SLC2A9: variants seen among roughly 807,000 people sequenced by gnomAD.
The protein encoded by SLC2A9 is solute carrier family 2, facilitated glucose transporter member 9.
In SLC2A9, 39 loss-of-function variants were observed where a neutral mutation model predicts 50.6. The observed-to-expected ratio is 0.77, with a 90% CI of 0.60 to 1.01. The LOEUF (loss-of-function observed/expected upper bound fraction) is 1.01. Among genes scored for constraint, SLC2A9 ranks in the 50% least tolerant of loss-of-function variants. SLC2A9 has a pLI of 0.00. For missense variants in SLC2A9, 686 were observed against 677.6 expected (o/e 1.01, Z -0.14); for synonymous variants, 324 against 276.9 (o/e 1.17, Z -1.69).
chr4:10,002,849 T>C (rs1229518373), intron 2 of SLC2A9, among the ~76,000 whole-genome samples: 1 of 45,690 alleles, frequency 2.2e-5, no homozygotes, highest in East Asian at 1.9e-3. Flanking sequence ...CGAGACTCCA[T>C]CTAAAACAAA....
At chr4:9,911,821 T>A (rs992771001) in intron 7 of SLC2A9, among the ~76,000 whole-genome samples, 7 of 152,310 alleles carry the variant, frequency 4.6e-5, no homozygotes, top group African/African-American at 1.7e-4. Flanking sequence ...TAGGTATCAT[T>A]CTAGAAGGTT....
intron 2 of SLC2A9, among the ~76,000 whole-genome samples, chr4:9,999,526 C>A (rs1759390474): frequency 6.6e-6 from 1 of 151,980 alleles, no homozygotes. Flanking sequence ...GAGAATTATG[C>A]CAAGACAGCA....
chr4:9,790,896 A>G (rs928741792), intron 3 of SLC2A9, among the ~76,000 whole-genome samples: 1 of 152,216 alleles, frequency 6.6e-6, no homozygotes, highest in Non-Finnish European at 1.5e-5. Flanking sequence ...CTTTGCTACA[A>G]TATTAAATGG....
chr4:9,792,791 C>G (rs1720125181), intron 3 of SLC2A9: 1 of 149,594 alleles, frequency 6.7e-6, no homozygotes, highest in South Asian at 2.2e-4. Context: ...CAAGTACTAA[C>G]CAGGTCTGAC....
intron 5 of SLC2A9, among the ~76,000 whole-genome samples, chr4:9,953,205 T>TC (rs1750623456): frequency 6.8e-6 from 1 of 146,020 alleles, no homozygotes; most frequent in Admixed American, 6.7e-5. Flanking sequence ...GTTTTCCAAA[T>TC]ACCCACTGAA....
intron 2 of SLC2A9, among the ~76,000 whole-genome samples, chr4:10,004,468 C>T (rs533958441): frequency 2.0e-5 from 3 of 152,302 alleles, no homozygotes; most frequent in African/African-American, 7.2e-5. Context: ...TGTTTGCCTG[C>T]TCCACGCTTG....
intron 1 of SLC2A9, among the ~76,000 whole-genome samples, chr4:9,774,681 T>A (rs1230678959): frequency 6.6e-6 from 1 of 152,110 alleles, no homozygotes; most frequent in Non-Finnish European, 1.5e-5. Flanking sequence ...AATTTTGAGG[T>A]CCAAAGAAAT....
At chr4:9,904,360 C>T (rs541338269) in intron 8 of SLC2A9, among the ~76,000 whole-genome samples, 3 of 152,314 alleles carry the variant, frequency 2.0e-5, no homozygotes, top group South Asian at 4.1e-4. Flanking sequence ...GTGACCCCTT[C>T]CTCACCTTCA....
intron 8 of SLC2A9, among the ~76,000 whole-genome samples, chr4:9,902,340 T>C (rs759349082): frequency 1.2e-4 from 19 of 152,224 alleles, no homozygotes; most frequent in Non-Finnish European, 2.6e-4. Flanking sequence ...GGGGCCCAAG[T>C]GAGCACTTGC....
intron 11 of SLC2A9, among the ~76,000 whole-genome samples, chr4:9,834,541 T>C (rs891346932): frequency 2.0e-5 from 3 of 152,186 alleles, no homozygotes; most frequent in Non-Finnish European, 2.9e-5. Flanking sequence ...GCACTGGAAC[T>C]ATTAGATGGA....
chr4:9,901,301 G>C (rs888653135), intron 8 of SLC2A9, among the ~76,000 whole-genome samples: 9 of 152,248 alleles, frequency 5.9e-5, no homozygotes, highest in Non-Finnish European at 1.2e-4. Context: ...CTTCTAGTCT[G>C]TGACCTATAG....
chr4:9,936,839 T>C (rs1364095009), intron 6 of SLC2A9, among the ~76,000 whole-genome samples: 1 of 152,188 alleles, frequency 6.6e-6, no homozygotes, highest in African/African-American at 2.4e-5. Context: ...TCTGGTGATT[T>C]GTTGTACATG....
At chr4:9,912,738 G>C (rs544564139) in intron 7 of SLC2A9, among the ~76,000 whole-genome samples, 1 of 152,134 alleles carries the variant, frequency 6.6e-6, no homozygotes, top group Non-Finnish European at 1.5e-5. Flanking sequence ...ACAGCCCCCC[G>C]CTCTCAAAAT....
At chr4:9,829,867 A>T (rs919159639) in intron 11 of SLC2A9, among the ~76,000 whole-genome samples, 1 of 152,204 alleles carries the variant, frequency 6.6e-6, no homozygotes, top group African/African-American at 2.4e-5. Flanking sequence ...GAAACAACAG[A>T]TGCTGGCGAG....
chr4:9,837,734 G>A (rs1727326354), intron 10 of SLC2A9, among the ~76,000 whole-genome samples: 1 of 152,172 alleles, frequency 6.6e-6, no homozygotes, highest in South Asian at 2.1e-4. Flanking sequence ...GGATGCCAGG[G>A]AATTCATGGT....
chr4:9,817,214 C>T (rs1723725942), intron 3 of SLC2A9, among the ~76,000 whole-genome samples: 1 of 152,208 alleles, frequency 6.6e-6, no homozygotes, highest in South Asian at 2.1e-4. Context: ...AAGATCCTTA[C>T]TTTAATCACA....
At chr4:9,975,412 A>G (rs536762362) in intron 5 of SLC2A9, among the ~76,000 whole-genome samples, 116 of 152,320 alleles carry the variant, frequency 7.6e-4, no homozygotes, top group African/African-American at 2.6e-3. Flanking sequence ...CAAGCAAAAA[A>G]CAAATAACCC....
At chr4:9,877,052 G>C (rs1412098978) in intron 10 of SLC2A9, among the ~76,000 whole-genome samples, 2 of 151,982 alleles carry the variant, frequency 1.3e-5, no homozygotes, top group African/African-American at 4.8e-5. Flanking sequence ...AATACTTTCT[G>C]CTTGGTCCGG....
At chr4:9,783,302 G>A in intron 3 of SLC2A9, 7 of 1,614,250 alleles carry the variant, frequency 4.3e-6, no homozygotes, top group Non-Finnish European at 5.9e-6. Flanking sequence ...CAACCGGGAG[G>A]TGGACAACGA....
Sources: allele counts gnomAD v4.1 joint callset (sites outside exome capture counted in the v4.1 genomes callset), GRCh38; gene constraint gnomAD v4.1.1; transcripts MANE v1.5; gene names NCBI Gene and HGNC (gene_info 2026-07-23, HGNC 2026-07-21).